The following SULT2B1 variants were observed in gnomAD, a reference collection of about 807,000 sequenced individuals.
SULT2B1 encodes sulfotransferase 2B1.
In SULT2B1, 16 loss-of-function variants were observed where a neutral mutation model predicts 33.2. That is an observed-to-expected ratio of 0.48 (90% CI 0.33 to 0.73). The LOEUF (loss-of-function observed/expected upper bound fraction) is 0.73, where lower values mean the gene tolerates loss of function less well. Among genes scored for constraint, SULT2B1 ranks in the 30% least tolerant of loss-of-function variants. The pLI is 0.02. For missense variants in SULT2B1, 500 were observed against 506.0 expected (o/e 0.99, Z 0.11); for synonymous variants, 186 against 200.5 (o/e 0.93, Z 0.61).
At chr19:48,569,944 G>A (rs1410018804) in intron 1 of SULT2B1, among the ~76,000 whole-genome samples, 1 of 152,062 alleles carries the variant, frequency 6.6e-6, no homozygotes, top group Non-Finnish European at 1.5e-5. Context: ...GGGATTAGAG[G>A]CATGAGCCAC....
chr19:48,575,855 T>C (rs554581396), intron 1 of SULT2B1, 86 bp from the exon 2 acceptor site: 1 of 1,539,890 alleles, frequency 6.5e-7, no homozygotes, highest in Admixed American at 1.9e-5. Flanking sequence ...GGAAGTTCCT[T>C]GCCAGGGTCC....
At chr19:48,562,988 T>A (rs1382371401) in intron 1 of SULT2B1, among the ~76,000 whole-genome samples, 1 of 152,038 alleles carries the variant, frequency 6.6e-6, no homozygotes, top group African/African-American at 2.4e-5. Context: ...CTGATATTTA[T>A]ATAGACTTAA....
At chr19:48,569,433 T>A (rs12983435) in intron 1 of SULT2B1, among the ~76,000 whole-genome samples, 12 of 144,406 alleles carry the variant, frequency 8.3e-5, no homozygotes, top group African/African-American at 3.1e-4. Context: ...TCTAAAATTG[T>A]AACTCACTGG....
intron 2 of SULT2B1, among the ~76,000 whole-genome samples, chr19:48,579,709 C>T (rs1386042874): frequency 4.7e-5 from 7 of 149,556 alleles, no homozygotes; most frequent in Non-Finnish European, 8.9e-5. Context: ...TAGGTTCAAG[C>T]GATTCTCCTG....
chr19:48,572,900 G>T (rs1601095966), intron 1 of SULT2B1, among the ~76,000 whole-genome samples: 2 of 151,788 alleles, frequency 1.3e-5, no homozygotes, highest in South Asian at 4.2e-4. Flanking sequence ...CTCATGCCTG[G>T]AATTCCAGCA....
chr19:48,592,744 C>T lies in SULT2B1; in HGVS notation c.573C>T (p.Asp191=), dbSNP rs767344059. The T allele has an allele frequency of 1.3e-6, 2 of 1,598,918 alleles. No individual in the cohort carries two copies. The highest frequency in any genetic ancestry group is 1.7e-6 in the Non-Finnish European group (2 of 1,172,422). ...CAGTGCAGTTTGGCTCCTGGTTCGA[C>T]CACATTAAGGGCTGGCTTCGGATGA... ...KGEVQFGSWF[D]HIKGWLRMKG... is the part of the protein sequence containing the mutation. Residue 191 remains aspartate, a synonymous_variant, in exon 5 of 7, where the codon GAC becomes GAT. Transcript: ENST00000201586.
At position 48,599,183 on chromosome 19, in the gene SULT2B1, C is replaced by G; in HGVS notation, c.875C>G (p.Ala292Gly). Residue 292 changes from alanine to glycine, a missense_variant, in exon 7 of 7, where the codon GCC (alanine) becomes GGC (glycine). Coordinates refer to ENST00000201586, the MANE Select transcript of SULT2B1 (RefSeq NM_177973.2). This position sits in a 1 kb window ranked among gnomAD's most constrained non-coding sequence, Gnocchi z 4.1. ...KNHFTVAQSE[A>G]FDRAYRKQMR... ...CACTTCACGGTGGCCCAGAGCGAAG[C>G]CTTCGATCGTGCCTACCGCAAGCAG... 1 of 1,601,472 alleles carries G rather than the reference C, an allele frequency of 6.2e-7. No homozygotes were observed. The highest frequency in any genetic ancestry group is 8.5e-7 in the Non-Finnish European group (1 of 1,176,642).
rs888346568 is a variant in SULT2B1 at position 48,552,408 on chromosome 19, C to T, written c.71+85C>T. 18 of 1,431,650 alleles carry T rather than the reference C, an allele frequency of 1.3e-5. No individual in the cohort carries two copies. Among genetic ancestry groups the T allele is most frequent in the Admixed American group, 4.3e-5 (2 of 46,576 alleles). 88.7% of individuals were successfully genotyped at this position (1,431,650 alleles called of 1,614,324 possible). A position where few individuals can be genotyped will look rare whatever the true frequency, so the allele number is the denominator to read the frequency against. On this transcript the variant is annotated intron_variant, in intron 1 of 6. Transcript: ENST00000201586. This position sits in a 1 kb window ranked among gnomAD's most constrained non-coding sequence, Gnocchi z 4.8. ...GAGCCGGGGACTGTGGCAAGGGTGG[C>T]CTCCAGCCACCCGCAGCCGCAGGCC...
chr19:48,589,872 A>G (rs1440247234), intron 3 of SULT2B1, among the ~76,000 whole-genome samples: 5 of 152,234 alleles, frequency 3.3e-5, no homozygotes, highest in Non-Finnish European at 7.3e-5. Flanking sequence ...AGGTAGGAAG[A>G]TCACTTGAGC....
At chr19:48,566,110 C>G (rs574721075) in intron 1 of SULT2B1, among the ~76,000 whole-genome samples, 1 of 152,214 alleles carries the variant, frequency 6.6e-6, no homozygotes, top group Non-Finnish European at 1.5e-5. Flanking sequence ...CGGGGTTTCA[C>G]TCTGTTGGCC....
At position 48,599,092 on chromosome 19, in the gene SULT2B1, C is replaced by T; in HGVS notation, c.827-43C>T. ...GAATGTTGGAGGTAGGGGCGCAGTG[C>T]TCCCCAGAGGCTCCTCACCCCCTGG... On this transcript the variant is annotated intron_variant, in intron 6 of 6. Coordinates refer to ENST00000201586, the MANE Select transcript of SULT2B1 (RefSeq NM_177973.2). This position sits in a 1 kb window ranked among gnomAD's most constrained non-coding sequence, Gnocchi z 4.1. 1.3e-6 allele frequency: 2 copies of T among 1,540,880 alleles called. No homozygotes were observed. Among genetic ancestry groups the T allele is most frequent in the Non-Finnish European group, 8.7e-7 (1 of 1,148,222 alleles).
At chr19:48,582,214 C>CTT (rs1973501588) in intron 2 of SULT2B1, among the ~76,000 whole-genome samples, 1 of 152,028 alleles carries the variant, frequency 6.6e-6, no homozygotes. Context: ...CTTGATTTTG[C>CTT]TTATGTTTTT....
At chr19:48,569,448 A>T (rs1973291901) in intron 1 of SULT2B1, among the ~76,000 whole-genome samples, 2 of 70,418 alleles carry the variant, frequency 2.8e-5, no homozygotes, top group African/African-American at 1.3e-4. Context: ...CACTGGATTC[A>T]GTGACATCTA....
intron 5 of SULT2B1, among the ~76,000 whole-genome samples, chr19:48,594,683 G>A (rs547838139): frequency 5.9e-5 from 9 of 152,288 alleles, no homozygotes; most frequent in South Asian, 4.1e-4. Flanking sequence ...TGGGGTTGGC[G>A]GAGCTGACCA....
intron 2 of SULT2B1, among the ~76,000 whole-genome samples, chr19:48,580,269 GTTT>G (rs527552140): frequency 6.6e-6 from 1 of 150,506 alleles, no homozygotes; most frequent in Non-Finnish European, 1.5e-5. Flanking sequence ...TGTTTTCTTT[GTTT>G]TTTATGGAGA....
At position 48,595,435 on chromosome 19, in the gene SULT2B1, G is replaced by A. The variant is rs187608108; in HGVS notation, c.646-1304G>A. ...ACACTTCCCTTGCAAAGCTGATGGT[G>A]GGATCGGCACAAATGTATGGGGGGC... On this transcript the variant is annotated intron_variant, in intron 5 of 6. Coordinates refer to ENST00000201586, the MANE Select transcript of SULT2B1 (RefSeq NM_177973.2). Among the ~76,000 whole-genome samples the A allele has an allele frequency of 4.5e-4, 69 of 152,216 alleles. No homozygotes were observed. The Middle Eastern group carries it at 0.01, about 23-fold the overall frequency.
Position 48,596,848 on chromosome 19 carries a change from A to G in SULT2B1, c.755A>G (p.Asn252Ser). Reference protein sequence around the residue: ...AHSTFSAMKANTMSNYTLLPP... With the variant: ...AHSTFSAMKASTMSNYTLLPP... ...TCAACCTTCAGCGCCATGAAGGCCA[A>G]CACCATGTCCAACTACACGCTGCTG... Residue 252 changes from asparagine to serine, a missense_variant, in exon 6 of 7, where the codon AAC (asparagine) becomes AGC (serine). Asn to Ser is a conservative substitution (Grantham distance 46). Coordinates refer to ENST00000201586, the MANE Select transcript of SULT2B1 (RefSeq NM_177973.2). 1 of 1,609,672 alleles carries G rather than the reference A, an allele frequency of 6.2e-7. No individual in the cohort carries two copies. Among genetic ancestry groups the G allele is most frequent in the Non-Finnish European group, 8.5e-7 (1 of 1,179,910 alleles).
intron 1 of SULT2B1, among the ~76,000 whole-genome samples, chr19:48,553,474 A>C (rs1205565775): frequency 1.3e-5 from 2 of 152,038 alleles, no homozygotes; most frequent in African/African-American, 4.8e-5. Flanking sequence ...TGCCCGGCTA[A>C]TTTTATTTTT....
At chr19:48,566,764 C>A (rs527567931) in intron 1 of SULT2B1, among the ~76,000 whole-genome samples, 19 of 152,042 alleles carry the variant, frequency 1.2e-4, no homozygotes, top group Admixed American at 3.9e-4. Flanking sequence ...ATCACTTGAA[C>A]CCGGGAGGCA....
Sources: gnomAD v4.1 joint callset for allele counts (sites outside exome capture counted in the v4.1 genomes callset) on GRCh38, gnomAD v4.1.1 for gene constraint, Gnocchi (gnomAD v3.1) non-coding constraint, MANE v1.5 for transcripts, NCBI Gene and HGNC (gene_info 2026-07-23, HGNC 2026-07-21) for gene names.